The following HLA-DMB variants were observed in gnomAD, a reference collection of about 807,000 sequenced individuals.
HLA-DMB encodes the protein HLA class II histocompatibility antigen, DM beta chain.
HLA-DMB carries 18 observed loss-of-function variants against 29.3 expected under a neutral mutation model. That is an observed-to-expected ratio of 0.62 (90% confidence interval 0.43 to 0.91). HLA-DMB has a LOEUF of 0.91. Among genes scored for constraint, HLA-DMB ranks in the 40% least tolerant of loss-of-function variants. HLA-DMB has a pLI of 0.00. For missense variants in HLA-DMB, 258 were observed against 320.9 expected (o/e 0.80, Z 1.50); for synonymous variants, 143 against 128.7 (o/e 1.11, Z -0.75).
chr6:32,935,436 T>C (rs568672485), intron 4 of HLA-DMB, 59 bp from the exon 5 acceptor site: 3 of 1,526,394 alleles, frequency 2.0e-6, no homozygotes, highest in Non-Finnish European at 2.7e-6. Flanking sequence ...TCTAGCAGTA[T>C]TCATAGCAAA....
Position 32,937,206 on chromosome 6 carries a change from G to T in HLA-DMB, c.588C>A (p.His196Gln). 1 of 1,607,380 alleles carries T rather than the reference G, an allele frequency of 6.2e-7. No individual in the cohort carries two copies. Among genetic ancestry groups the T allele is most frequent in the Non-Finnish European group, 8.5e-7 (1 of 1,174,870 alleles). Reference protein sequence around the residue: ...YGDTYTCVVEHTGAPEPILRD... With the variant: ...YGDTYTCVVEQTGAPEPILRD... ...GAAGGATGGGCTCAGGAGCCCCAGT[G>T]TGCTCTACCACACAGGTGTAAGTGT... The change falls in exon 3 of 6, where the codon CAC (histidine) becomes CAA (glutamine). Residue 196 changes from histidine (H) to glutamine (Q), a missense_variant. Transcript: ENST00000418107. This position sits in a 1 kb window ranked among gnomAD's most constrained non-coding sequence, Gnocchi z 4.1.
At position 32,937,208 on chromosome 6, in the gene HLA-DMB, G is replaced by A. The variant is rs754460025; in HGVS notation, c.586C>T (p.His196Tyr). 9.3e-6 allele frequency: 15 copies of A among 1,608,434 alleles called. No individual in the cohort carries two copies. The highest frequency in any genetic ancestry group is 1.3e-5 in the African/African-American group (1 of 74,806). ...YGDTYTCVVEHTGAPEPILRD... is the reference protein window; with the variant it reads ...YGDTYTCVVEYTGAPEPILRD... ...AGGATGGGCTCAGGAGCCCCAGTGT[G>A]CTCTACCACACAGGTGTAAGTGTCC... The change falls in exon 3 of 6, where the codon CAC (histidine) becomes TAC (tyrosine). Residue 196 changes from histidine to tyrosine, a missense_variant. Coordinates refer to ENST00000418107, the MANE Select transcript of HLA-DMB (RefSeq NM_002118.5). This position sits in a 1 kb window ranked among gnomAD's most constrained non-coding sequence, Gnocchi z 4.1.
chr6:32,938,053 A>G (rs1378974404), intron 2 of HLA-DMB: 1 of 153,106 alleles, frequency 6.5e-6, no homozygotes, highest in African/African-American at 2.4e-5. Context: ...TTTTTCAAAC[A>G]CAATCTTAAA....
In HLA-DMB at chr6:32,935,606, T is replaced by C. The variant is rs1663352720; in HGVS notation, c.669A>G (p.Ala223=). ...PMQTLKVSVS[A]VTLGLGLIIF... ...TGATGAGGCCCAGGCCCAGAGTCAC[T>C]GCAGACACAGAAACCTTCAGGGTCT... Residue 223 remains alanine (A), a synonymous_variant, in exon 4 of 6, where the codon GCA becomes GCG. Coordinates refer to ENST00000418107, the MANE Select transcript of HLA-DMB (RefSeq NM_002118.5). The C allele has an allele frequency of 1.2e-6, 2 of 1,612,972 alleles. No homozygotes were observed. Among genetic ancestry groups the C allele is most frequent in the African/African-American group, 1.3e-5 (1 of 74,984 alleles).
rs980378578 is a variant in HLA-DMB at position 32,934,758 on chromosome 6, T to C, written c.*213A>G. 3.3e-6 allele frequency: 2 copies of C among 605,800 alleles called. No homozygotes were observed. Among genetic ancestry groups the C allele is most frequent in the Admixed American group, 2.9e-5 (1 of 34,064 alleles). The allele number at this position is 605,800 out of a possible 1,614,324, so 37.5% of individuals were successfully genotyped here. On this transcript the variant is annotated 3_prime_UTR_variant, in exon 6 of 6. Transcript: ENST00000418107. ...TATATTCATCCCAGAAATATAGCCT[T>C]GGACAATAATTTGGTTACAGCATAG...
chr6:32,940,275 G>A (rs1371712074), intron 1 of HLA-DMB, among the ~76,000 whole-genome samples: 1 of 152,028 alleles, frequency 6.6e-6, no homozygotes, highest in Non-Finnish European at 1.5e-5. Context: ...TAAGTTTTTA[G>A]ATCCAGTCTC....
Position 32,937,057 on chromosome 6 carries a change from C to T in HLA-DMB, c.622+115G>A, listed in dbSNP as rs1311260371. 2.5e-6 allele frequency: 2 copies of T among 813,998 alleles called. No homozygotes were observed. The highest frequency in any genetic ancestry group is 3.7e-6 in the Non-Finnish European group (2 of 539,448). 50.4% of individuals were successfully genotyped at this position (813,998 alleles called of 1,614,324 possible). A position where few individuals can be genotyped will look rare whatever the true frequency, so the allele number is the denominator to read the frequency against. ...TCTGGTCCTAAGCCCCCCGTAAGTT[C>T]CTCCAGACTCAGTCCCCATTTTCAG... On this transcript the variant is annotated intron_variant, in intron 3 of 5. Coordinates refer to ENST00000418107, the MANE Select transcript of HLA-DMB (RefSeq NM_002118.5). This position sits in a 1 kb window ranked among gnomAD's most constrained non-coding sequence, Gnocchi z 4.1.
chr6:32,937,228 G>A lies in HLA-DMB; in HGVS notation c.566C>T (p.Thr189Ile). The A allele has an allele frequency of 6.2e-7, 1 of 1,613,856 alleles. No individual in the cohort carries two copies. The highest frequency in any genetic ancestry group is 8.5e-7 in the Non-Finnish European group (1 of 1,179,792). The change falls in exon 3 of 6, where the codon ACT (threonine) becomes ATT (isoleucine). Residue 189 changes from threonine (T) to isoleucine (I), a missense_variant. By Grantham distance (89) the Thr-to-Ile change is moderately conservative (BLOSUM62 -1). Coordinates refer to ENST00000418107, the MANE Select transcript of HLA-DMB (RefSeq NM_002118.5). The surrounding 1 kb of genome is among the most constrained non-coding windows in gnomAD (Gnocchi z 4.1). ...AGTGTGCTCTACCACACAGGTGTAAGTGTCCCCGTAAGAGGGGGTTAAGGC... is the reference window on the plus strand; with the variant it reads ...AGTGTGCTCTACCACACAGGTGTAAATGTCCCCGTAAGAGGGGGTTAAGGC... ...HLALTPSYGDTYTCVVEHTGA... is the reference protein window; with the variant it reads ...HLALTPSYGDIYTCVVEHTGA...
Position 32,938,689 on chromosome 6 carries a change from C to T in HLA-DMB, c.332G>A (p.Arg111Lys). Reference sequence around the variant, plus strand: ...CTGCACCCCTCTCTCCTCACGTGTCCTGTTGGTCAGTGATCCCCAGAAGGG... The same window carrying T: ...CTGCACCCCTCTCTCCTCACGTGTCTTGTTGGTCAGTGATCCCCAGAAGGG... ...TQPFWGSLTN[R>K]TRPPSVQVAK... Residue 111 changes from arginine to lysine, a missense_variant, in exon 2 of 6, where the codon AGG (arginine) becomes AAG (lysine). Physicochemically the swap from Arg to Lys is conservative, Grantham distance 26. Transcript: ENST00000418107. 2 of 1,510,208 alleles carry T rather than the reference C, an allele frequency of 1.3e-6. No individual in the cohort carries two copies. Among genetic ancestry groups the T allele is most frequent in the Non-Finnish European group, 8.9e-7 (1 of 1,124,344 alleles). 93.6% of individuals were successfully genotyped at this position (1,510,208 alleles called of 1,614,324 possible). A position where few individuals can be genotyped will look rare whatever the true frequency, so the allele number is the denominator to read the frequency against.
In HLA-DMB at chr6:32,937,265, G is replaced by A; in HGVS notation, c.529C>T (p.Leu177Phe). ...GAGGGGGTTAAGGCTAAATGGGAGAGGGTCTGGTATGTCCAGTCTCCATTG... is the reference window on the plus strand; with the variant it reads ...GAGGGGGTTAAGGCTAAATGGGAGAAGGTCTGGTATGTCCAGTCTCCATTG... ...QPNGDWTYQT[L>F]SHLALTPSYG... The change falls in exon 3 of 6, where the codon CTC (leucine) becomes TTC (phenylalanine). Residue 177 changes from leucine (L) to phenylalanine (F), a missense_variant. Physicochemically the swap from Leu to Phe is conservative, Grantham distance 22. Coordinates refer to ENST00000418107, the MANE Select transcript of HLA-DMB (RefSeq NM_002118.5). This position sits in a 1 kb window ranked among gnomAD's most constrained non-coding sequence, Gnocchi z 4.1. 1.2e-6 allele frequency: 2 copies of A among 1,614,144 alleles called. No homozygotes were observed. Among genetic ancestry groups the A allele is most frequent in the African/African-American group, 1.3e-5 (1 of 75,054 alleles).
chr6:32,935,275 C>A (rs1775936354), intron 5 of HLA-DMB, 67 bp downstream of exon 5: 1 of 1,284,790 alleles, frequency 7.8e-7, no homozygotes. Flanking sequence ...TTGAACCCAA[C>A]ACTGACCCCT....
chr6:32,937,728 G>A lies in HLA-DMB; in HGVS notation c.338-272C>T. ...AGTAAAAGCCAGATCTGAACTGCAA[G>A]CTGTTCTAGAAGTTGTTGTATTTAT... On this transcript the variant is annotated intron_variant, in intron 2 of 5. Coordinates refer to ENST00000418107, the MANE Select transcript of HLA-DMB (RefSeq NM_002118.5). The surrounding 1 kb of genome is among the most constrained non-coding windows in gnomAD (Gnocchi z 4.1). The A allele has an allele frequency of 2.0e-6, 1 of 508,316 alleles. No individual in the cohort carries two copies. Among genetic ancestry groups the A allele is most frequent in the East Asian group, 3.2e-5 (1 of 31,182 alleles). The allele number at this position is 508,316 out of a possible 1,614,324, so 31.5% of individuals were successfully genotyped here. A position where few individuals can be genotyped will look rare whatever the true frequency, so the allele number is the denominator to read the frequency against.
At chr6:32,935,174 C>G in intron 5 of HLA-DMB, 168 bp downstream of exon 5, 1 of 820,516 alleles carries the variant, frequency 1.2e-6, no homozygotes, top group Non-Finnish European at 2.0e-6. Context: ...GGAGGATGCT[C>G]CTTCCTGCTC....
chr6:32,935,124 C>A, intron 5 of HLA-DMB, 137 bp from the exon 6 acceptor site: 1 of 972,694 alleles, frequency 1.0e-6, no homozygotes, highest in Non-Finnish European at 1.6e-6. Flanking sequence ...AAGGAAGCAC[C>A]TTCAGCCTCC....
At chr6:32,936,645 AT>A (rs1561859894) in intron 3 of HLA-DMB, 1 of 152,724 alleles carries the variant, frequency 6.5e-6, no homozygotes, top group Non-Finnish European at 1.5e-5. Flanking sequence ...CTACTCCCGT[AT>A]GCTTGGTAGA....
At chr6:32,939,021 A>C (rs948408412) in intron 1 of HLA-DMB, 56 bp from the exon 2 acceptor site, 5 of 1,052,754 alleles carry the variant, frequency 4.7e-6, no homozygotes, top group African/African-American at 1.7e-5. Flanking sequence ...CCTGGCAATA[A>C]ATAAATAAAT....
chr6:32,934,831 C>A lies in HLA-DMB; in HGVS notation c.*140G>T. On this transcript the variant is annotated 3_prime_UTR_variant, in exon 6 of 6. Coordinates refer to ENST00000418107, the MANE Select transcript of HLA-DMB (RefSeq NM_002118.5). ...GTTGCTAAGTTTTACATAGGGGAGACTGGGAAATTCAAAGAATTGGATGGA... is the reference window on the plus strand; with the variant it reads ...GTTGCTAAGTTTTACATAGGGGAGAATGGGAAATTCAAAGAATTGGATGGA... 1.1e-6 allele frequency: 1 copy of A among 899,302 alleles called. No individual in the cohort carries two copies. Among genetic ancestry groups the A allele is most frequent in the Non-Finnish European group, 1.8e-6 (1 of 570,048 alleles). The allele number at this position is 899,302 out of a possible 1,614,324, so 55.7% of individuals were successfully genotyped here. A position where few individuals can be genotyped will look rare whatever the true frequency, so the allele number is the denominator to read the frequency against.
chr6:32,935,287 TA>T, intron 5 of HLA-DMB, 54 bp downstream of exon 5: 2 of 1,435,284 alleles, frequency 1.4e-6, no homozygotes, highest in South Asian at 2.3e-5. Context: ...CTGACCCCTC[TA>T]ACCCGCACCC....
rs1435053741 is a variant in HLA-DMB, at chr6:32,937,088, C to T, written c.622+84G>A. ...GACTCAGTCCCCATTTTCAGCACTT[C>T]GCTGTCTACCATGTACCATGTATCG... On this transcript the variant is annotated intron_variant, in intron 3 of 5. Transcript: ENST00000418107. This position sits in a 1 kb window ranked among gnomAD's most constrained non-coding sequence, Gnocchi z 4.1. 1.7e-6 allele frequency: 2 copies of T among 1,195,482 alleles called. No homozygotes were observed. Among genetic ancestry groups the T allele is most frequent in the East Asian group, 2.6e-5 (1 of 38,722 alleles). 74.1% of individuals were successfully genotyped at this position (1,195,482 alleles called of 1,614,324 possible).
Sources: gnomAD v4.1 joint callset for allele counts (sites outside exome capture counted in the v4.1 genomes callset) on GRCh38, gnomAD v4.1.1 for gene constraint, Gnocchi (gnomAD v3.1) non-coding constraint, MANE v1.5 for transcripts, NCBI Gene and HGNC (gene_info 2026-07-23, HGNC 2026-07-21) for gene names.